The following TMPRSS11A variants were observed in gnomAD, a reference collection of about 807,000 sequenced individuals.
TMPRSS11A encodes transmembrane serine protease 11A, also known as transmembrane protease serine 11A.
In TMPRSS11A, 53 loss-of-function variants were observed where a neutral mutation model predicts 58.9. That is an observed-to-expected ratio of 0.90 (90% CI 0.72 to 1.13). The LOEUF is 1.13. TMPRSS11A is among the 50% of genes most tolerant of loss of function. The probability of loss-of-function intolerance (pLI) is 0.00; values close to 1 mark genes in which losing one functional copy is unlikely to be tolerated. For missense variants in TMPRSS11A, 493 were observed against 499.3 expected (o/e 0.99, Z 0.12); for synonymous variants, 167 against 169.8 (o/e 0.98, Z 0.13).
intron 1 of TMPRSS11A, among the ~76,000 whole-genome samples, chr4:67,949,790 T>C (rs1721116420): frequency 1.3e-5 from 2 of 152,086 alleles, no homozygotes; most frequent in African/African-American, 4.8e-5. Flanking sequence ...ACCCGGGAGA[T>C]GGAGGTTGCA....
intron 8 of TMPRSS11A, among the ~76,000 whole-genome samples, chr4:67,918,488 CT>C (rs1720220519): frequency 6.6e-6 from 1 of 152,142 alleles, no homozygotes; most frequent in Non-Finnish European, 1.5e-5. Context: ...AATCTGAGTC[CT>C]CCTAGACACA....
intron 2 of TMPRSS11A, among the ~76,000 whole-genome samples, chr4:67,946,046 A>G (rs1416615635): frequency 1.3e-5 from 2 of 152,136 alleles, no homozygotes; most frequent in Non-Finnish European, 2.9e-5. Context: ...ATGATGGTTC[A>G]TGAGTAAAAG....
chr4:67,924,393 A>T (rs1215602696), intron 5 of TMPRSS11A, among the ~76,000 whole-genome samples: 1 of 152,208 alleles, frequency 6.6e-6, no homozygotes, highest in Admixed American at 6.5e-5. Context: ...ATGGGTGAGT[A>T]AGGCACAAAT....
intron 7 of TMPRSS11A, among the ~76,000 whole-genome samples, chr4:67,921,435 G>A (rs1720327764): frequency 6.6e-6 from 1 of 152,118 alleles, no homozygotes; most frequent in Admixed American, 6.5e-5. Context: ...CTGGGCTTAA[G>A]GGATCCTCCT....
intron 1 of TMPRSS11A, among the ~76,000 whole-genome samples, chr4:67,962,141 C>A (rs1721445233): frequency 6.6e-6 from 1 of 151,932 alleles, no homozygotes; most frequent in Non-Finnish European, 1.5e-5. Flanking sequence ...AACATTAATG[C>A]TAGATATTTA....
At chr4:67,919,447 C>T (rs528424737) in intron 7 of TMPRSS11A, among the ~76,000 whole-genome samples, 1 of 152,040 alleles carries the variant, frequency 6.6e-6, no homozygotes, top group Non-Finnish European at 1.5e-5. Flanking sequence ...TAATACAAAA[C>T]TATTGAATTT....
chr4:67,944,476 C>T, intron 3 of TMPRSS11A, 43 bp downstream of exon 3: 2 of 1,579,884 alleles, frequency 1.3e-6, no homozygotes, highest in Non-Finnish European at 1.7e-6. Context: ...AAATCCCTTC[C>T]ACTTGCATTA....
At chr4:67,957,759 G>A (rs1721321554) in intron 1 of TMPRSS11A, among the ~76,000 whole-genome samples, 2 of 152,262 alleles carry the variant, frequency 1.3e-5, no homozygotes, top group Admixed American at 6.5e-5. Context: ...CAAGACAATG[G>A]GAAAATGTCT....
intron 3 of TMPRSS11A, 150 bp from the exon 4 acceptor site, chr4:67,932,210 G>T: frequency 1.8e-6 from 1 of 546,558 alleles, no homozygotes; most frequent in Non-Finnish European, 3.2e-6. Context: ...CAGTGCAACA[G>T]AATCATTTGA....
At chr4:67,953,332 G>T (rs1721207967) in intron 1 of TMPRSS11A, among the ~76,000 whole-genome samples, 1 of 152,112 alleles carries the variant, frequency 6.6e-6, no homozygotes, top group Admixed American at 6.5e-5. Context: ...TGAGATTAAA[G>T]ATGAGCAGCT....
intron 4 of TMPRSS11A, among the ~76,000 whole-genome samples, chr4:67,931,128 A>G (rs962250234): frequency 1.3e-5 from 2 of 152,238 alleles, no homozygotes; most frequent in African/African-American, 4.8e-5. Flanking sequence ...AAAACAGAAA[A>G]CATGAAATCT....
intron 3 of TMPRSS11A, among the ~76,000 whole-genome samples, chr4:67,939,277 C>G (rs547190172): frequency 6.6e-6 from 1 of 152,114 alleles, no homozygotes; most frequent in Non-Finnish European, 1.5e-5. Flanking sequence ...TATCCTGAAA[C>G]TTTACTGAAG....
At chr4:67,929,777 C>G (rs988417369) in intron 5 of TMPRSS11A, 103 bp downstream of exon 5, 62 of 1,094,252 alleles carry the variant, frequency 5.7e-5, no homozygotes, top group Non-Finnish European at 7.8e-5. Flanking sequence ...CATCTGAATT[C>G]TAGCTATTAT....
chr4:67,926,088 T>C (rs1029657920), intron 5 of TMPRSS11A, among the ~76,000 whole-genome samples: 5 of 152,200 alleles, frequency 3.3e-5, no homozygotes, highest in African/African-American at 1.2e-4. Flanking sequence ...ACTACAAGTA[T>C]CATGATGAAA....
rs546336220 is a variant in TMPRSS11A, at chr4:67,927,903, A to G, written c.481+1977T>C. Among the ~76,000 whole-genome samples the G allele has an allele frequency of 5.3e-5, 8 of 152,366 alleles. No homozygotes were observed. The East Asian group carries it at 1.2e-3, about 22-fold the overall frequency. On this transcript the variant is annotated intron_variant, in intron 5 of 9. Transcript: ENST00000508048. ...GTTTTCTATTTCCTTGTATATCGTT[A>G]TAATCTCTCTGTGATTTCAGGAAGA... is the stretch of plus-strand genomic sequence containing the variant.
chr4:67,957,998 G>A (rs1721328197), intron 1 of TMPRSS11A, among the ~76,000 whole-genome samples: 1 of 152,174 alleles, frequency 6.6e-6, no homozygotes, highest in Non-Finnish European at 1.5e-5. Flanking sequence ...CTTCCATGTG[G>A]GGTTGAGCCT....
intron 5 of TMPRSS11A, among the ~76,000 whole-genome samples, chr4:67,926,282 G>A (rs1720464956): frequency 1.3e-5 from 2 of 151,866 alleles, no homozygotes; most frequent in African/African-American, 4.8e-5. Context: ...AATAAATCTT[G>A]GGCTACAGGA....
intron 2 of TMPRSS11A, 134 bp from the exon 3 acceptor site, chr4:67,944,771 A>T (rs967669561): frequency 2.9e-6 from 2 of 700,444 alleles, no homozygotes; most frequent in Non-Finnish European, 4.6e-6. Flanking sequence ...AAAAAATAAC[A>T]GTTAATGTTT....
intron 5 of TMPRSS11A, among the ~76,000 whole-genome samples, chr4:67,925,800 G>C (rs375123968): frequency 2.0e-5 from 3 of 152,276 alleles, no homozygotes; most frequent in African/African-American, 7.2e-5. Flanking sequence ...TGTCAACTTA[G>C]TCTGAGCAGG....
Sources: gnomAD v4.1 joint callset for allele counts (sites outside exome capture counted in the v4.1 genomes callset) on GRCh38, gnomAD v4.1.1 for gene constraint, MANE v1.5 for transcripts, NCBI Gene and HGNC (gene_info 2026-07-23, HGNC 2026-07-21) for gene names.